GRID2: variants seen among roughly 807,000 people sequenced by gnomAD.
The protein encoded by GRID2 is glutamate ionotropic receptor delta type subunit 2, also known as glutamate receptor ionotropic, delta-2.
GRID2 carries 33 observed loss-of-function variants against 114.8 expected under a neutral mutation model. That is an observed-to-expected ratio of 0.29 (90% CI 0.22 to 0.38). The LOEUF (loss-of-function observed/expected upper bound fraction) is 0.38. GRID2 is among the 10% of genes least tolerant of loss of function. GRID2 has a pLI of 1.00. For missense variants in GRID2, 1,184 were observed against 1,257.7 expected, an observed-to-expected ratio of 0.94 and a Z score of 0.89; for synonymous variants, 505 against 449.9, an observed-to-expected ratio of 1.12 and a Z score of -1.55.
chr4:93,173,268 C>A (rs1386579876), intron 4 of GRID2, among the ~76,000 whole-genome samples: 1 of 152,018 alleles, frequency 6.6e-6, no homozygotes, highest in East Asian at 1.9e-4. Context: ...TGGAAAAAAA[C>A]AGTCTTTTTT....
At chr4:92,745,661 T>A (rs1260843916) in intron 2 of GRID2, among the ~76,000 whole-genome samples, 1 of 152,288 alleles carries the variant, frequency 6.6e-6, no homozygotes, top group Non-Finnish European at 1.5e-5. Context: ...GTACTTGCTA[T>A]TGAGTTCTCC....
chr4:92,504,110 G>T (rs1723830371), intron 1 of GRID2, among the ~76,000 whole-genome samples: 1 of 152,104 alleles, frequency 6.6e-6, no homozygotes, highest in Non-Finnish European at 1.5e-5. Context: ...TCACATTAGG[G>T]TGCTGATGTT....
intron 1 of GRID2, among the ~76,000 whole-genome samples, chr4:92,408,850 G>A (rs1488373872): frequency 6.6e-6 from 1 of 151,950 alleles, no homozygotes; most frequent in African/African-American, 2.4e-5. Context: ...TACTGTATTT[G>A]TTTATCAAGA....
At chr4:93,663,176 C>T (rs1350522187) in intron 14 of GRID2, among the ~76,000 whole-genome samples, 2 of 152,146 alleles carry the variant, frequency 1.3e-5, no homozygotes. Flanking sequence ...CTAGGCCTTG[C>T]CAATTGAGGA....
intron 14 of GRID2, among the ~76,000 whole-genome samples, chr4:93,674,731 A>G (rs546993448): frequency 2.6e-5 from 4 of 152,204 alleles, no homozygotes; most frequent in Admixed American, 2.0e-4. Flanking sequence ...TATCTCAGTA[A>G]TCTTTTAAGA....
chr4:93,421,427 G>T (rs1768274786), intron 9 of GRID2, among the ~76,000 whole-genome samples: 1 of 152,072 alleles, frequency 6.6e-6, no homozygotes, highest in Admixed American at 6.6e-5. Flanking sequence ...TTTGCTCTAA[G>T]ATAACATATA....
At chr4:92,621,699 A>C (rs1730284595) in intron 2 of GRID2, among the ~76,000 whole-genome samples, 1 of 151,822 alleles carries the variant, frequency 6.6e-6, no homozygotes. Context: ...GAACCAAGTA[A>C]TTAAATTATG....
intron 1 of GRID2, among the ~76,000 whole-genome samples, chr4:92,583,975 C>T (rs1728303769): frequency 6.6e-6 from 1 of 150,770 alleles, no homozygotes; most frequent in Admixed American, 6.6e-5. Flanking sequence ...AATGATATCC[C>T]ACTGAAATAG....
intron 2 of GRID2, among the ~76,000 whole-genome samples, chr4:93,010,571 A>G (rs948760955): frequency 6.6e-6 from 1 of 152,154 alleles, no homozygotes; most frequent in Non-Finnish European, 1.5e-5. Context: ...ACCTTAGCAC[A>G]TATAGACTTT....
intron 2 of GRID2, among the ~76,000 whole-genome samples, chr4:92,724,769 C>T (rs1446057418): frequency 1.3e-5 from 2 of 152,076 alleles, no homozygotes; most frequent in African/African-American, 2.4e-5. Flanking sequence ...AATACATAAA[C>T]TAATATGCAC....
chr4:93,656,647 G>T (rs1330827875), intron 14 of GRID2, among the ~76,000 whole-genome samples: 1 of 150,106 alleles, frequency 6.7e-6, no homozygotes, highest in Non-Finnish European at 1.5e-5. Context: ...TGGCTAACAC[G>T]GTGAAACCCC....
At chr4:92,814,222 A>G (rs773503375) in intron 2 of GRID2, among the ~76,000 whole-genome samples, 1 of 152,110 alleles carries the variant, frequency 6.6e-6, no homozygotes, top group African/African-American at 2.4e-5. Flanking sequence ...TGTATGTGGT[A>G]GTCAGAGGCC....
At chr4:92,393,051 C>T (rs1341040549) in intron 1 of GRID2, among the ~76,000 whole-genome samples, 1 of 152,132 alleles carries the variant, frequency 6.6e-6, no homozygotes, top group Non-Finnish European at 1.5e-5. Flanking sequence ...GGAGCTTTTA[C>T]TCATGGGGGA....
intron 12 of GRID2, among the ~76,000 whole-genome samples, chr4:93,499,688 A>C (rs1227602707): frequency 6.6e-6 from 1 of 151,920 alleles, no homozygotes; most frequent in Admixed American, 6.6e-5. Flanking sequence ...ACTATGTTAT[A>C]TCCATCTTGA....
At chr4:93,504,363 A>G (rs886069280) in intron 12 of GRID2, among the ~76,000 whole-genome samples, 9 of 152,044 alleles carry the variant, frequency 5.9e-5, no homozygotes, top group Non-Finnish European at 1.2e-4. Context: ...ATTTTTTTCC[A>G]TAAGTCAGCA....
At chr4:92,842,439 T>C (rs980680588) in intron 2 of GRID2, among the ~76,000 whole-genome samples, 3 of 152,166 alleles carry the variant, frequency 2.0e-5, no homozygotes, top group Non-Finnish European at 4.4e-5. Context: ...TCTATCTTAG[T>C]TGTATATGAG....
chr4:92,427,743 T>C (rs1732229490), intron 1 of GRID2, among the ~76,000 whole-genome samples: 1 of 151,902 alleles, frequency 6.6e-6, no homozygotes, highest in Admixed American at 6.6e-5. Flanking sequence ...ATTAAATGAA[T>C]ATAATAAGCC....
intron 13 of GRID2, among the ~76,000 whole-genome samples, chr4:93,605,288 A>G (rs556452467): frequency 2.0e-5 from 3 of 152,370 alleles, no homozygotes; most frequent in African/African-American, 7.2e-5. Flanking sequence ...AGTGCTCAGT[A>G]GCCATATGTG....
At chr4:92,943,850 G>A (rs112187644) in intron 2 of GRID2, among the ~76,000 whole-genome samples, 3,844 of 152,266 alleles carry the variant, frequency 0.025, 88 homozygotes, top group African/African-American at 0.055. Flanking sequence ...TCCACTCCAG[G>A]CCCTGTTTGC....
Sources: gnomAD v4.1 joint callset for allele counts (sites outside exome capture counted in the v4.1 genomes callset) on GRCh38, gnomAD v4.1.1 for gene constraint, MANE v1.5 for transcripts, NCBI Gene and HGNC (gene_info 2026-07-23, HGNC 2026-07-21) for gene names.